Variants in GSTO2 observed in about 807,000 individuals in gnomAD.
GSTO2 encodes glutathione S-transferase omega-2.
A neutral mutation model predicts 28.4 loss-of-function variants in GSTO2; 23 were observed. The observed-to-expected ratio is 0.81, with a 90% CI of 0.58 to 1.15. The LOEUF (loss-of-function observed/expected upper bound fraction) is 1.15, where lower values mean the gene tolerates loss of function less well. Among genes scored for constraint, GSTO2 ranks in the 50% most tolerant of loss-of-function variants. The pLI is 0.00. For missense variants in GSTO2, 298 were observed against 297.8 expected (o/e 1.00, Z 0.00); for synonymous variants, 109 against 111.0 (o/e 0.98, Z 0.11).
In GSTO2 at chr10:104,274,955, TG is replaced by T. The variant is rs745478629; in HGVS notation, c.34+7del. 3.1e-6 allele frequency: 5 copies of T among 1,594,166 alleles called. No individual in the cohort carries two copies. In the African/African-American group the frequency reaches 6.8e-5, roughly 22 times the overall value. On this transcript the variant is annotated splice_region_variant and intron_variant, in intron 2 of 6. Transcript: ENST00000338595. Reference sequence around the variant, plus strand: ...GACCAGGACCCTGGGGAAAGGTGAGTGCTCTCCATGGGGTCCGCGAGCTGGG... The same window carrying T: ...GACCAGGACCCTGGGGAAAGGTGAGTCTCTCCATGGGGTCCGCGAGCTGGG...
chr10:104,300,928 T>C lies in GSTO2; in HGVS notation c.*1644T>C, dbSNP rs2013239838. 6.6e-6 allele frequency: 1 copy of C among 152,306 alleles called. No individual in the cohort carries two copies. 9.4% of individuals were successfully genotyped at this position (152,306 alleles called of 1,614,324 possible). A position where few individuals can be genotyped will look rare whatever the true frequency, so the allele number is the denominator to read the frequency against. On this transcript the variant is annotated 3_prime_UTR_variant, in exon 7 of 7. Transcript: ENST00000338595. ...ACCCATGTAAATAGTTACCAGGTGT[T>C]ACTCTGTGCCAGCTGGACAGAAACA...
At position 104,272,587 on chromosome 10, in the gene GSTO2, C is replaced by CTT. The variant is rs768279768; in HGVS notation, c.-231-2055_-231-2054dup. Among the ~76,000 whole-genome samples, 66 of 49,300 alleles carry CTT rather than the reference C, an allele frequency of 1.3e-3. 14 individuals are homozygous for CTT. Among genetic ancestry groups the CTT allele is most frequent in the Admixed American group, 2.8e-3 (8 of 2,884 alleles). The allele number at this position is 49,300 out of a possible 152,430, so 32.3% of individuals were successfully genotyped here. A position where few individuals can be genotyped will look rare whatever the true frequency, so the allele number is the denominator to read the frequency against. ...GAATCAAAATAGAACAGTTATGGGA[C>CTT]TTTTTTTTTTTTTTTTTTTTTTTTT... On this transcript the variant is annotated intron_variant, in intron 1 of 6. Coordinates refer to ENST00000338595, the MANE Select transcript of GSTO2 (RefSeq NM_183239.2).
chr10:104,287,696 C>A (rs972624563), intron 5 of GSTO2, among the ~76,000 whole-genome samples: 1 of 151,912 alleles, frequency 6.6e-6, no homozygotes, highest in Admixed American at 6.6e-5. Flanking sequence ...AGAAACACAT[C>A]CACCTCCTAG....
At chr10:104,290,065 G>C (rs376800680) in intron 5 of GSTO2, among the ~76,000 whole-genome samples, 72 of 152,298 alleles carry the variant, frequency 4.7e-4, no homozygotes, top group African/African-American at 1.7e-3. Context: ...ATATGATCCA[G>C]CAATCCCACT....
rs1451455397 is a variant in GSTO2 at position 104,304,739 on chromosome 10, T to C, written c.*5455T>C. On this transcript the variant is annotated 3_prime_UTR_variant, in exon 7 of 7. Coordinates refer to ENST00000338595, the MANE Select transcript of GSTO2 (RefSeq NM_183239.2). ...CTTTGTGGAACTAGATGTCCTACGT[T>C]GCACATGGCTTGATTCATGGTTTGG... 6.6e-6 allele frequency: 1 copy of C among 152,254 alleles called. No homozygotes were observed. The highest frequency in any genetic ancestry group is 1.5e-5 in the Non-Finnish European group (1 of 68,064). The allele number at this position is 152,254 out of a possible 1,614,324, so 9.4% of individuals were successfully genotyped here. A position where few individuals can be genotyped will look rare whatever the true frequency, so the allele number is the denominator to read the frequency against.
intron 5 of GSTO2, among the ~76,000 whole-genome samples, chr10:104,288,144 C>G (rs569157121): frequency 8.5e-5 from 13 of 152,134 alleles, no homozygotes; most frequent in African/African-American, 2.7e-4. Context: ...TCTGCCTCGG[C>G]CTCCCAAAGT....
chr10:104,276,168 C>T (rs1176080407), intron 3 of GSTO2, among the ~76,000 whole-genome samples: 5 of 152,176 alleles, frequency 3.3e-5, no homozygotes, highest in South Asian at 2.1e-4. Context: ...GTTTCAGACT[C>T]ATGTCAGAGA....
At chr10:104,291,370 G>A (rs778039857) in intron 5 of GSTO2, 1 of 152,282 alleles carries the variant, frequency 6.6e-6, no homozygotes, top group Non-Finnish European at 1.5e-5. Context: ...AAGGTTTGAA[G>A]CTCAATTATT....
In GSTO2 at chr10:104,299,346, G is replaced by T; in HGVS notation, c.*62G>T. On this transcript the variant is annotated 3_prime_UTR_variant, in exon 7 of 7. Transcript: ENST00000338595. ...CAGCTTGTTGGGAGTCTACGTCACG[G>T]CTTGTCTTGGGAACCAATCCGTCTC... The T allele has an allele frequency of 1.9e-6, 3 of 1,568,926 alleles. No individual in the cohort carries two copies. The highest frequency in any genetic ancestry group is 1.2e-5 in the South Asian group (1 of 86,444).
intron 5 of GSTO2, chr10:104,295,071 C>A (rs2012962425): frequency 6.6e-6 from 1 of 152,068 alleles, no homozygotes; most frequent in Admixed American, 6.5e-5. Context: ...TGCCGTGAAG[C>A]CCAATAACAA....
At chr10:104,294,795 TG>T (rs1217309757) in intron 5 of GSTO2, among the ~76,000 whole-genome samples, 2 of 152,214 alleles carry the variant, frequency 1.3e-5, no homozygotes, top group African/African-American at 4.8e-5. Flanking sequence ...ATATATAAAT[TG>T]ATAGTGTCCA....
In GSTO2 at chr10:104,300,067, G is replaced by A. The variant is rs1023284606; in HGVS notation, c.*783G>A. 4 of 152,262 alleles carry A rather than the reference G, an allele frequency of 2.6e-5. No individual in the cohort carries two copies. The highest frequency in any genetic ancestry group is 9.6e-5 in the African/African-American group (4 of 41,458). 9.4% of individuals were successfully genotyped at this position (152,262 alleles called of 1,614,324 possible). ...TTGGCAAATGAATGTCGCTGTCCAC[G>A]TGGGCGAGTATGAGTGTAATTCTCC... On this transcript the variant is annotated 3_prime_UTR_variant, in exon 7 of 7. Transcript: ENST00000338595.
At chr10:104,281,859 C>T (rs780327738) in intron 5 of GSTO2, among the ~76,000 whole-genome samples, 1 of 152,082 alleles carries the variant, frequency 6.6e-6, no homozygotes, top group Non-Finnish European at 1.5e-5. Context: ...GAAGGCTGGT[C>T]TGTGGGGGTA....
intron 5 of GSTO2, among the ~76,000 whole-genome samples, chr10:104,282,680 G>A (rs2012146359): frequency 1.3e-5 from 2 of 152,302 alleles, no homozygotes; most frequent in South Asian, 4.1e-4. Flanking sequence ...GGAGAGGGAG[G>A]TTTAATTAGA....
chr10:104,293,147 G>A (rs531095909), intron 5 of GSTO2, among the ~76,000 whole-genome samples: 1 of 152,306 alleles, frequency 6.6e-6, no homozygotes, highest in Non-Finnish European at 1.5e-5. Context: ...GCTTTGGCTT[G>A]AGCTTCTGAT....
chr10:104,292,161 A>AT (rs2012804639), intron 5 of GSTO2, among the ~76,000 whole-genome samples: 2 of 151,134 alleles, frequency 1.3e-5, no homozygotes, highest in South Asian at 4.2e-4. Context: ...GAGGGATGCC[A>AT]TTGTGAGGGA....
In GSTO2 at chr10:104,279,444, G is replaced by C; in HGVS notation, c.441G>C (p.Leu147=). ...AATGCACTAATCTGAAGGCAGCCCT[G>C]CGTCAGGAATTCAGCAACCTGGAAG... ...GRECTNLKAA[L]RQEFSNLEEI... is the part of the protein sequence containing the mutation. Residue 147 remains leucine, a synonymous_variant, in exon 5 of 7, where the codon CTG becomes CTC. Transcript: ENST00000338595. 1 of 1,614,048 alleles carries C rather than the reference G, an allele frequency of 6.2e-7. No individual in the cohort carries two copies.
chr10:104,287,109 A>G (rs1470473199), intron 5 of GSTO2, among the ~76,000 whole-genome samples: 2 of 152,246 alleles, frequency 1.3e-5, no homozygotes, highest in East Asian at 3.8e-4. Flanking sequence ...GCTGGAATGC[A>G]GGGTGCAATC....
chr10:104,299,169 C>T lies in GSTO2; in HGVS notation c.617C>T (p.Ala206Val), dbSNP rs1355548337. The change falls in exon 7 of 7, where the codon GCC (alanine) becomes GTC (valine). Residue 206 changes from alanine (A) to valine (V), a missense_variant. Transcript: ENST00000338595. ...HTPALRLWIS[A>V]MKWDPTVCAL... Reference sequence around the variant, plus strand: ...CCAGCCCTGCGGCTCTGGATATCAGCCATGAAGTGGGACCCCACAGTCTGT... The same window carrying T: ...CCAGCCCTGCGGCTCTGGATATCAGTCATGAAGTGGGACCCCACAGTCTGT... 5.6e-6 allele frequency: 9 copies of T among 1,614,208 alleles called. No homozygotes were observed. The East Asian group carries it at 1.3e-4, about 24-fold the overall frequency.
Sources: allele counts gnomAD v4.1 joint callset (sites outside exome capture counted in the v4.1 genomes callset), GRCh38; gene constraint gnomAD v4.1.1; transcripts MANE v1.5; gene names NCBI Gene and HGNC (gene_info 2026-07-23, HGNC 2026-07-21).